NXPH1: variants seen among roughly 807,000 people sequenced by gnomAD.
The protein encoded by NXPH1 is neurexophilin 1, also known as neurexophilin-1.
In NXPH1, 5 loss-of-function variants were observed where a neutral mutation model predicts 23.7. That is an observed-to-expected ratio of 0.21 (90% CI 0.11 to 0.44). The LOEUF (loss-of-function observed/expected upper bound fraction) is 0.44. NXPH1 is among the 20% of genes least tolerant of loss of function. The pLI is 0.99. For synonymous variants in NXPH1, 144 were observed against 122.2 expected (o/e 1.18, Z -1.18); for missense variants, 324 against 321.6 (o/e 1.01, Z -0.06).
intron 2 of NXPH1, among the ~76,000 whole-genome samples, chr7:8,706,639 G>A (rs955789267): frequency 2.6e-5 from 4 of 152,144 alleles, no homozygotes; most frequent in Non-Finnish European, 4.4e-5. Context: ...TTCTCATTCC[G>A]ACTCAATGGG....
intron 2 of NXPH1, among the ~76,000 whole-genome samples, chr7:8,606,152 A>C (rs763098900): frequency 6.6e-6 from 1 of 152,172 alleles, no homozygotes; most frequent in Non-Finnish European, 1.5e-5. Flanking sequence ...TCAGTACTCA[A>C]TTTAACATCA....
intron 2 of NXPH1, among the ~76,000 whole-genome samples, chr7:8,559,785 C>T (rs1818411668): frequency 6.6e-6 from 1 of 151,652 alleles, no homozygotes; most frequent in Non-Finnish European, 1.5e-5. Flanking sequence ...CATAGAAACT[C>T]AAATGTGTCA....
intron 2 of NXPH1, among the ~76,000 whole-genome samples, chr7:8,603,425 T>C (rs1424673757): frequency 1.3e-5 from 2 of 152,190 alleles, no homozygotes; most frequent in Non-Finnish European, 2.9e-5. Context: ...TTTTTGTTTT[T>C]TTGCTCAGCT....
chr7:8,561,769 C>A (rs74832423), intron 2 of NXPH1, among the ~76,000 whole-genome samples: 3,349 of 151,278 alleles, frequency 0.022, 133 homozygotes, highest in African/African-American at 0.077. Context: ...TGTAGAGCAC[C>A]AGGCAGGGAA....
intron 2 of NXPH1, among the ~76,000 whole-genome samples, chr7:8,567,261 A>G (rs1818562955): frequency 6.6e-6 from 1 of 151,952 alleles, no homozygotes; most frequent in Non-Finnish European, 1.5e-5. Context: ...TTTATTTTAA[A>G]TAACAGGTCC....
intron 2 of NXPH1, among the ~76,000 whole-genome samples, chr7:8,644,536 T>C (rs1037975658): frequency 2.6e-5 from 4 of 152,172 alleles, no homozygotes; most frequent in Admixed American, 6.6e-5. Context: ...TTTTTTCTTC[T>C]TGATGACTGC....
chr7:8,515,334 G>C (rs533342318), intron 2 of NXPH1, among the ~76,000 whole-genome samples: 71 of 152,180 alleles, frequency 4.7e-4, no homozygotes, highest in Admixed American at 7.9e-4. Context: ...TATTTATTGA[G>C]GGATAGATCA....
intron 2 of NXPH1, among the ~76,000 whole-genome samples, chr7:8,542,696 A>C (rs185533585): frequency 1.3e-5 from 2 of 151,718 alleles, no homozygotes; most frequent in Admixed American, 1.3e-4. Context: ...GAAATTACTT[A>C]TACAACAATT....
At chr7:8,616,911 G>A (rs758100891) in intron 2 of NXPH1, among the ~76,000 whole-genome samples, 9 of 151,876 alleles carry the variant, frequency 5.9e-5, no homozygotes, top group Non-Finnish European at 1.2e-4. Context: ...GGGGAGGACA[G>A]TGTGAATGTG....
intron 2 of NXPH1, among the ~76,000 whole-genome samples, chr7:8,596,940 A>G (rs1819239307): frequency 6.6e-6 from 1 of 152,110 alleles, no homozygotes; most frequent in Admixed American, 6.6e-5. Flanking sequence ...AATCCTATAG[A>G]AAAGGAACTA....
chr7:8,481,499 G>A (rs1034433426), intron 2 of NXPH1, among the ~76,000 whole-genome samples: 1 of 152,148 alleles, frequency 6.6e-6, no homozygotes, highest in African/African-American at 2.4e-5. Context: ...GGTCAGAAGT[G>A]AAATAGTGAG....
chr7:8,750,237 C>G (rs774322247), intron 2 of NXPH1, among the ~76,000 whole-genome samples: 7 of 152,166 alleles, frequency 4.6e-5, no homozygotes, highest in Non-Finnish European at 7.3e-5. Context: ...GCAAGACTAA[C>G]TTTTCTAATA....
intron 2 of NXPH1, among the ~76,000 whole-genome samples, chr7:8,594,079 A>T (rs1435107237): frequency 1.9e-4 from 29 of 152,052 alleles, no homozygotes; most frequent in Admixed American, 1.8e-3. Flanking sequence ...TTTCTCTGAA[A>T]GCCAGAATTC....
chr7:8,603,220 G>T (rs1380039296), intron 2 of NXPH1, among the ~76,000 whole-genome samples: 1 of 152,086 alleles, frequency 6.6e-6, no homozygotes, highest in Non-Finnish European at 1.5e-5. Context: ...GCATACATGG[G>T]CTATGTCCAA....
At chr7:8,706,628 A>G (rs1192512789) in intron 2 of NXPH1, among the ~76,000 whole-genome samples, 1 of 152,204 alleles carries the variant, frequency 6.6e-6, no homozygotes, top group East Asian at 1.9e-4. Flanking sequence ...CTCCTCAGCC[A>G]TTCTCATTCC....
At chr7:8,502,369 CT>C (rs1022764151) in intron 2 of NXPH1, among the ~76,000 whole-genome samples, 2 of 151,698 alleles carry the variant, frequency 1.3e-5, no homozygotes, top group Non-Finnish European at 2.9e-5. Flanking sequence ...ATATTTATTT[CT>C]TTTTTTTCCT....
At chr7:8,517,622 A>G (rs943866945) in intron 2 of NXPH1, among the ~76,000 whole-genome samples, 7 of 152,164 alleles carry the variant, frequency 4.6e-5, no homozygotes, top group South Asian at 2.1e-4. Flanking sequence ...TTTAAAGAGA[A>G]CATACGGCAC....
At chr7:8,724,326 C>T (rs935772094) in intron 2 of NXPH1, among the ~76,000 whole-genome samples, 9 of 152,176 alleles carry the variant, frequency 5.9e-5, no homozygotes, top group Non-Finnish European at 1.3e-4. Context: ...TGTTACCCGG[C>T]TCTTTGAAAA....
rs867513030 is a variant in NXPH1, at chr7:8,491,540, C to G, written c.54+55773C>G. Among the ~76,000 whole-genome samples the G allele has an allele frequency of 3.3e-5, 5 of 152,004 alleles. 1 individual carries two copies. Among genetic ancestry groups the G allele is most frequent in the Middle Eastern group, 6.3e-3 (2 of 316 alleles). ...TCTCCATTTGATTTTGATTGTAAATCTCAAAGACACATTAAATACACTAGT... is the reference window on the plus strand; with the variant it reads ...TCTCCATTTGATTTTGATTGTAAATGTCAAAGACACATTAAATACACTAGT... On this transcript the variant is annotated intron_variant, in intron 2 of 2. Coordinates refer to ENST00000405863, the MANE Select transcript of NXPH1 (RefSeq NM_152745.3).
Sources: allele counts gnomAD v4.1 joint callset (sites outside exome capture counted in the v4.1 genomes callset), GRCh38; gene constraint gnomAD v4.1.1; transcripts MANE v1.5; gene names NCBI Gene and HGNC (gene_info 2026-07-23, HGNC 2026-07-21).